Variants in NAALADL2 observed in about 807,000 individuals in gnomAD.
The protein encoded by NAALADL2 is N-acetylated alpha-linked acidic dipeptidase like 2.
NAALADL2 carries 76 observed loss-of-function variants against 87.2 expected under a neutral mutation model. The observed-to-expected ratio is 0.87, with a 90% confidence interval of 0.72 to 1.05. The LOEUF (loss-of-function observed/expected upper bound fraction) is 1.05. Among genes scored for constraint, NAALADL2 ranks in the 50% least tolerant of loss-of-function variants. The probability of loss-of-function intolerance (pLI) is 0.00; values close to 1 mark genes in which losing one functional copy is unlikely to be tolerated. For synonymous variants in NAALADL2, 354 were observed against 331.0 expected (o/e 1.07, Z -0.75); for missense variants, 1,089 against 945.8 (o/e 1.15, Z -1.99).
chr3:175,629,957 T>A (rs117543168), intron 11 of NAALADL2, among the ~76,000 whole-genome samples: 1 of 151,838 alleles, frequency 6.6e-6, no homozygotes, highest in East Asian at 1.9e-4. Context: ...ACCCATTAAG[T>A]GGATGTTGGA....
In NAALADL2 at chr3:175,803,290, A is replaced by G; in HGVS notation, c.*87A>G. On this transcript the variant is annotated 3_prime_UTR_variant, in exon 14 of 14. Transcript: ENST00000454872. ...CCAGATTTTCTGACATTGAAGGCTT[A>G]TTTTCCCCAATGGCTTTTTGACAAG... The G allele has an allele frequency of 1.2e-6, 1 of 830,306 alleles. No individual in the cohort carries two copies. Among genetic ancestry groups the G allele is most frequent in the East Asian group, 2.6e-5 (1 of 37,864 alleles). 51.4% of individuals were successfully genotyped at this position (830,306 alleles called of 1,614,324 possible).
intron 5 of NAALADL2, among the ~76,000 whole-genome samples, chr3:175,443,981 C>T (rs1476970984): frequency 6.6e-6 from 1 of 152,098 alleles, no homozygotes; most frequent in Non-Finnish European, 1.5e-5. Context: ...ATGAGAAAAA[C>T]AAGTGAAGTA....
At chr3:175,739,811 G>C (rs936724410) in intron 12 of NAALADL2, among the ~76,000 whole-genome samples, 28 of 152,100 alleles carry the variant, frequency 1.8e-4, no homozygotes, top group Non-Finnish European at 1.9e-4. Context: ...AACAAAATTA[G>C]CATAAATAAA....
intron 1 of NAALADL2, among the ~76,000 whole-genome samples, chr3:174,477,374 G>T (rs1273195077): frequency 6.6e-6 from 1 of 152,078 alleles, no homozygotes; most frequent in Non-Finnish European, 1.5e-5. Context: ...AAACCACGTG[G>T]CAGAGGTAGG....
At chr3:174,759,274 T>A (rs1194818709) in intron 3 of NAALADL2, among the ~76,000 whole-genome samples, 1 of 152,212 alleles carries the variant, frequency 6.6e-6, no homozygotes, top group Admixed American at 6.5e-5. Context: ...TTAAATGGAT[T>A]TGCTTTTAGA....
At chr3:174,883,365 G>A (rs1034572320) in intron 1 of NAALADL2, among the ~76,000 whole-genome samples, 1 of 152,056 alleles carries the variant, frequency 6.6e-6, no homozygotes, top group Non-Finnish European at 1.5e-5. Flanking sequence ...CATCTCTTGA[G>A]ATCATTCATA....
At chr3:175,374,334 AT>A (rs1355374912) in intron 5 of NAALADL2, among the ~76,000 whole-genome samples, 2 of 151,594 alleles carry the variant, frequency 1.3e-5, no homozygotes, top group African/African-American at 4.8e-5. Context: ...TGGGAGGGTC[AT>A]TTGAGATCAG....
intron 13 of NAALADL2, among the ~76,000 whole-genome samples, 191 bp downstream of exon 13, chr3:175,755,609 G>T (rs1275533669): frequency 2.6e-5 from 4 of 151,966 alleles, no homozygotes; most frequent in Non-Finnish European, 5.9e-5. Flanking sequence ...TGGAAACTTG[G>T]CTTAGCAGCA....
chr3:174,550,925 A>T (rs1712041744), intron 2 of NAALADL2: 1 of 152,074 alleles, frequency 6.6e-6, no homozygotes, highest in East Asian at 1.9e-4. Flanking sequence ...TCTATTAACT[A>T]TGGATTGCTT....
At chr3:175,066,743 C>T (rs1216879189) in intron 1 of NAALADL2, among the ~76,000 whole-genome samples, 1 of 152,130 alleles carries the variant, frequency 6.6e-6, no homozygotes, top group Non-Finnish European at 1.5e-5. Flanking sequence ...TTGATCCTTG[C>T]CCCTATCAAA....
chr3:175,293,763 G>A (rs1233159019), intron 4 of NAALADL2, among the ~76,000 whole-genome samples: 1 of 152,176 alleles, frequency 6.6e-6, no homozygotes, highest in African/African-American at 2.4e-5. Flanking sequence ...ATTTGCCATT[G>A]CTTTGATTTC....
At chr3:175,769,461 A>G (rs1749185701) in intron 13 of NAALADL2, among the ~76,000 whole-genome samples, 1 of 152,246 alleles carries the variant, frequency 6.6e-6, no homozygotes, top group Non-Finnish European at 1.5e-5. Flanking sequence ...TAGAGGCCAT[A>G]GAGAGGGGTT....
intron 3 of NAALADL2, among the ~76,000 whole-genome samples, chr3:174,756,439 T>G (rs1712089918): frequency 6.6e-6 from 1 of 152,242 alleles, no homozygotes; most frequent in Non-Finnish European, 1.5e-5. Flanking sequence ...ACTGGAATAA[T>G]TATATTTACT....
Position 175,730,554 on chromosome 3 carries a change from C to T in NAALADL2, c.1897-6752C>T, listed in dbSNP as rs568214534. 1.2e-4 allele frequency among the ~76,000 whole-genome samples: 18 copies of T among 149,268 alleles called. No homozygotes were observed. The East Asian group carries it at 3.6e-3, about 30-fold the overall frequency. On this transcript the variant is annotated intron_variant, in intron 11 of 13. Coordinates refer to ENST00000454872, the MANE Select transcript of NAALADL2 (RefSeq NM_207015.3). The stretch of plus-strand genomic sequence containing the variant: ...CATAGGGTGATATTTATATTCTTAA[C>T]ATTCTAGAATAAGTTTCTATGTATA...
chr3:174,504,193 T>C (rs1719071372), intron 1 of NAALADL2, among the ~76,000 whole-genome samples: 1 of 152,166 alleles, frequency 6.6e-6, no homozygotes, highest in Admixed American at 6.5e-5. Context: ...TTCATTTGTA[T>C]CTAAATTGTA....
rs1352613660 is a variant in NAALADL2, at chr3:175,562,968, G to GTA, written c.1654-13072_1654-13071insAT. ...ATATAGGAGGGGTGTGTGTGTGTGT[G>GTA]TGTATGTGTGTGTGTTGGTTATGTA... On this transcript the variant is annotated intron_variant, in intron 9 of 13. Transcript: ENST00000454872. 2.0e-5 allele frequency among the ~76,000 whole-genome samples: 3 copies of GTA among 151,714 alleles called. No individual in the cohort carries two copies. In the East Asian group the frequency reaches 5.8e-4, roughly 29 times the overall value.
intron 13 of NAALADL2, among the ~76,000 whole-genome samples, chr3:175,764,762 TATATG>T (rs1213822448): frequency 6.6e-6 from 1 of 152,156 alleles, no homozygotes; most frequent in African/African-American, 2.4e-5. Context: ...TCTCAGGTAT[TATATG>T]ATCAGTTTCC....
chr3:175,545,424 GGAAT>G (rs1273315467), intron 9 of NAALADL2, among the ~76,000 whole-genome samples: 1 of 151,970 alleles, frequency 6.6e-6, no homozygotes, highest in African/African-American at 2.4e-5. Flanking sequence ...ATCTTGTAAA[GGAAT>G]GAATGATTTC....
At chr3:175,521,734 C>T (rs2149420680) in intron 9 of NAALADL2, among the ~76,000 whole-genome samples, 1 of 152,076 alleles carries the variant, frequency 6.6e-6, no homozygotes, top group Non-Finnish European at 1.5e-5. Flanking sequence ...CTAAGAAGTG[C>T]CAAGGATTGC....
Sources: allele counts gnomAD v4.1 joint callset (sites outside exome capture counted in the v4.1 genomes callset), GRCh38; gene constraint gnomAD v4.1.1; transcripts MANE v1.5; gene names NCBI Gene and HGNC (gene_info 2026-07-23, HGNC 2026-07-21).